LINGO2: variants seen among roughly 807,000 people sequenced by gnomAD.
LINGO2 encodes the protein leucine rich repeat and Ig domain containing 2, also known as leucine-rich repeat and immunoglobulin-like domain-containing nogo receptor-interacting protein 2.
Under a neutral mutation model 30.6 loss-of-function variants are expected in LINGO2, and 14 were observed. The observed-to-expected ratio is 0.46, with a 90% CI of 0.30 to 0.72. LINGO2 has a LOEUF of 0.72. LINGO2 is among the 30% of genes least tolerant of loss of function. The probability of loss-of-function intolerance (pLI) is 0.07; values close to 1 mark genes in which losing one functional copy is unlikely to be tolerated. For synonymous variants in LINGO2, 317 were observed against 288.5 expected (o/e 1.10, Z -1.00); for missense variants, 729 against 751.7 (o/e 0.97, Z 0.35).
intron 1 of LINGO2, among the ~76,000 whole-genome samples, chr9:28,530,943 C>T (rs112684886): frequency 0.015 from 2,317 of 151,132 alleles, 48 homozygotes; most frequent in East Asian, 0.086. Flanking sequence ...CATGATGCAC[C>T]GTCACTAGGA....
chr9:28,978,557 TAA>T, the LINGO2 span, among the ~76,000 whole-genome samples: 1 of 152,102 alleles, frequency 6.6e-6, no homozygotes, highest in African/African-American at 2.4e-5. Context: ...AAAAATGGAA[TAA>T]GTACTTGTAC....
At chr9:28,250,208 T>G (rs1472614310) in intron 4 of LINGO2, among the ~76,000 whole-genome samples, 23 of 152,190 alleles carry the variant, frequency 1.5e-4, no homozygotes, top group Admixed American at 1.5e-3. Context: ...AAGTGACTTA[T>G]GCCACTATTT....
At chr9:28,168,588 G>C (rs560122103) in intron 4 of LINGO2, among the ~76,000 whole-genome samples, 5 of 152,260 alleles carry the variant, frequency 3.3e-5, no homozygotes, top group African/African-American at 1.2e-4. Context: ...GCACATACTT[G>C]GTTCTAAATG....
At chr9:28,975,982 C>T in the LINGO2 span, among the ~76,000 whole-genome samples, 5 of 152,246 alleles carry the variant, frequency 3.3e-5, 1 homozygote, top group South Asian at 1.0e-3. Flanking sequence ...TTATTGGTCT[C>T]TGCCTGAGTT....
chr9:28,956,132 G>A, the LINGO2 span, among the ~76,000 whole-genome samples: 1 of 152,100 alleles, frequency 6.6e-6, no homozygotes, highest in African/African-American at 2.4e-5. Context: ...GTGGGGAGTG[G>A]TCAATAAGAT....
At chr9:28,046,780 A>G (rs1454836787) in intron 4 of LINGO2, among the ~76,000 whole-genome samples, 2 of 152,116 alleles carry the variant, frequency 1.3e-5, no homozygotes, top group Non-Finnish European at 2.9e-5. Flanking sequence ...ACTCTGTTAT[A>G]TAAGCTACTC....
chr9:28,972,143 T>G, the LINGO2 span, among the ~76,000 whole-genome samples: 1 of 152,224 alleles, frequency 6.6e-6, no homozygotes, highest in African/African-American at 2.4e-5. Context: ...TGCAAGTCCT[T>G]ATGAATATCT....
intron 2 of LINGO2, among the ~76,000 whole-genome samples, chr9:28,403,131 G>A (rs530527360): frequency 5.8e-4 from 88 of 152,276 alleles, no homozygotes; most frequent in Non-Finnish European, 1.1e-3. Flanking sequence ...TGACTGTGCT[G>A]GCTGAATATT....
At chr9:28,591,435 C>A (rs1824905078) in intron 1 of LINGO2, among the ~76,000 whole-genome samples, 1 of 151,880 alleles carries the variant, frequency 6.6e-6, no homozygotes, top group Non-Finnish European at 1.5e-5. Flanking sequence ...TCTCCCACTT[C>A]CAGAGGAGAA....
chr9:29,064,356 A>G, the LINGO2 span, among the ~76,000 whole-genome samples: 1 of 152,086 alleles, frequency 6.6e-6, no homozygotes, highest in African/African-American at 2.4e-5. Context: ...TGACTGAAAT[A>G]TCAACACTAT....
At chr9:28,847,868 C>T in the LINGO2 span, among the ~76,000 whole-genome samples, 8 of 117,178 alleles carry the variant, frequency 6.8e-5, 2 homozygotes, top group African/African-American at 2.8e-4. Flanking sequence ...ATACTATATA[C>T]ATATACAGTA....
At chr9:28,436,625 T>C (rs1349628288) in intron 2 of LINGO2, among the ~76,000 whole-genome samples, 1 of 151,840 alleles carries the variant, frequency 6.6e-6, no homozygotes, top group Non-Finnish European at 1.5e-5. Context: ...GACCGGCTAA[T>C]TTTTTGTATT....
At chr9:28,072,256 C>A (rs1020672893) in intron 4 of LINGO2, among the ~76,000 whole-genome samples, 6 of 152,222 alleles carry the variant, frequency 3.9e-5, no homozygotes, top group Non-Finnish European at 7.3e-5. Context: ...CTCTATTCTG[C>A]ATTCTGAGAC....
chr9:27,987,797 C>T lies in LINGO2; in HGVS notation c.-36+24558G>A, dbSNP rs531927741. On this transcript the variant is annotated intron_variant, in intron 5 of 5. Transcript: ENST00000379992. ...CAAGTACCCAGATTCATTTATGACT[C>T]TTTAAATATATATATACACACACAC... is the stretch of plus-strand genomic sequence containing the variant. Among the ~76,000 whole-genome samples, 8 of 152,024 alleles carry T rather than the reference C, an allele frequency of 5.3e-5. No individual in the cohort carries two copies. The South Asian group carries it at 1.7e-3, about 32-fold the overall frequency.
intron 2 of LINGO2, among the ~76,000 whole-genome samples, chr9:28,411,331 A>T (rs1215076533): frequency 2.0e-5 from 3 of 151,978 alleles, no homozygotes; most frequent in African/African-American, 7.3e-5. Context: ...TTTCTCTTCA[A>T]TTCTTATAAT....
intron 5 of LINGO2, among the ~76,000 whole-genome samples, chr9:27,960,208 C>T (rs966141417): frequency 1.3e-5 from 2 of 152,076 alleles, no homozygotes; most frequent in African/African-American, 4.8e-5. Flanking sequence ...AAAAAACAAG[C>T]TGTTAAAATC....
chr9:28,860,972 A>C, the LINGO2 span, among the ~76,000 whole-genome samples: 1 of 130,854 alleles, frequency 7.6e-6, no homozygotes, highest in African/African-American at 2.9e-5. Context: ...TATATCATTA[A>C]TATATAAATC....
chr9:28,545,102 T>C (rs907014033), intron 1 of LINGO2, among the ~76,000 whole-genome samples: 1 of 152,020 alleles, frequency 6.6e-6, no homozygotes. Context: ...TGCTAAGGGT[T>C]TTTAGCTGCA....
intron 4 of LINGO2, among the ~76,000 whole-genome samples, chr9:28,184,151 A>G (rs564713688): frequency 6.6e-6 from 1 of 152,316 alleles, no homozygotes; most frequent in East Asian, 1.9e-4. Flanking sequence ...TCTAAGGAAC[A>G]CAGGAGGGTA....
Sources: gnomAD v4.1 joint callset for allele counts (sites outside exome capture counted in the v4.1 genomes callset) on GRCh38, gnomAD v4.1.1 for gene constraint, MANE v1.5 for transcripts, NCBI Gene and HGNC (gene_info 2026-07-23, HGNC 2026-07-21) for gene names.